The following ADAMTS7 variants were observed in gnomAD, a reference collection of about 807,000 sequenced individuals.
ADAMTS7 encodes ADAM metallopeptidase with thrombospondin type 1 motif 7.
A neutral mutation model predicts 172.6 loss-of-function variants in ADAMTS7; 89 were observed. The observed-to-expected ratio is 0.52, with a 90% CI of 0.43 to 0.61. The LOEUF (loss-of-function observed/expected upper bound fraction) is 0.61, where lower values mean the gene tolerates loss of function less well. Among genes scored for constraint, ADAMTS7 ranks in the 20% least tolerant of loss-of-function variants. The pLI, the probability that ADAMTS7 is intolerant of heterozygous loss-of-function variation, is 0.00. For synonymous variants in ADAMTS7, 885 were observed against 978.4 expected (o/e 0.90, Z 1.78); for missense variants, 1,973 against 2,355.6 (o/e 0.84, Z 3.36).
intron 22 of ADAMTS7, 68 bp from the exon 23 acceptor site, chr15:78,762,633 C>T: frequency 8.4e-7 from 1 of 1,193,822 alleles, no homozygotes; most frequent in Non-Finnish European, 1.1e-6. Flanking sequence ...GGGACACCTC[C>T]TCTGGGAAGC....
At position 78,796,668 on chromosome 15, in the gene ADAMTS7, C is replaced by G. The variant is rs772688829; in HGVS notation, c.741G>C (p.Leu247=). 6.2e-7 allele frequency: 1 copy of G among 1,614,130 alleles called. No individual in the cohort carries two copies. Among genetic ancestry groups the G allele is most frequent in the Admixed American group, 1.7e-5 (1 of 60,028 alleles). ...CCACCATTTTGGCATCAGCTACTAC[C>G]AGGGTCTCCACCCACTTCTCTTTGC... is the stretch of plus-strand genomic sequence containing the variant. The part of the protein sequence containing the change: ...SVSKEKWVET[L]VVADAKMVEY... The change falls in exon 4 of 24, where the codon CTG becomes CTC. Residue 247 remains leucine (L), a synonymous_variant. Coordinates refer to ENST00000388820, the MANE Select transcript of ADAMTS7 (RefSeq NM_014272.5).
In ADAMTS7 at chr15:78,766,499, C is replaced by A; in HGVS notation, c.3412G>T (p.Gly1138Cys). The A allele has an allele frequency of 1.3e-6, 2 of 1,572,024 alleles. No homozygotes were observed. The highest frequency in any genetic ancestry group is 1.7e-6 in the Non-Finnish European group (2 of 1,161,966). ...WSPSPWPSQA[G>C]RSPPPPSEQT... ...TCTGAGGGTGGGGGTGGGGAGCGGC[C>A]GGCCTGGCTAGGCCAAGGGCTCGGG... The change falls in exon 19 of 24, where the codon GGC becomes TGC. Residue 1138 changes from glycine to cysteine, a missense_variant. Physicochemically the swap from Gly to Cys is radical, Grantham distance 159 (BLOSUM62 -3). This residue lies in a region of ADAMTS7 where 771 missense variants were observed against 952.6 expected (regional missense o/e 0.81). Transcript: ENST00000388820.
At chr15:78,780,255 C>T (rs1373546164) in intron 8 of ADAMTS7, among the ~76,000 whole-genome samples, 2 of 151,632 alleles carry the variant, frequency 1.3e-5, no homozygotes, top group African/African-American at 4.8e-5. Context: ...CTAATTATAG[C>T]GGGGCTGGGC....
At chr15:78,772,559 G>A (rs6495327) in intron 14 of ADAMTS7, among the ~76,000 whole-genome samples, 151,424 of 152,194 alleles carry the variant, frequency 0.99, 75,332 homozygotes, top group Non-Finnish European at 1. Flanking sequence ...GATTCAGCTC[G>A]ACTTCCGCCT....
At chr15:78,793,838 G>T (rs1317530571) in intron 4 of ADAMTS7, among the ~76,000 whole-genome samples, 7 of 152,186 alleles carry the variant, frequency 4.6e-5, no homozygotes, top group Non-Finnish European at 7.3e-5. Context: ...GCAGGTTAAG[G>T]GGCACAGGGG....
chr15:78,765,570 T>G (rs568727780), intron 19 of ADAMTS7, 75 bp downstream of exon 19: 11 of 1,593,500 alleles, frequency 6.9e-6, no homozygotes, highest in Middle Eastern at 2.3e-4. Flanking sequence ...TGTCCCACTC[T>G]GCTCATTTTC....
In ADAMTS7 at chr15:78,764,712, G is replaced by A. The variant is rs375173960; in HGVS notation, c.4267-5C>T. On this transcript the variant is annotated splice_polypyrimidine_tract_variant and splice_region_variant and intron_variant, in intron 19 of 23. Transcript: ENST00000388820. ...CAGGCCACAGGTGGTAGAGCACTGC[G>A]GGGCAGAGACCCGTGAAAGCCAGGC... 30 of 1,504,206 alleles carry A rather than the reference G, an allele frequency of 2.0e-5. No homozygotes were observed. In the African/African-American group the frequency reaches 2.4e-4, roughly 12 times the overall value. 93.2% of individuals were successfully genotyped at this position (1,504,206 alleles called of 1,614,324 possible).
chr15:78,788,522 C>T (rs1411520172), intron 7 of ADAMTS7, 148 bp from the exon 8 acceptor site: 8 of 917,464 alleles, frequency 8.7e-6, no homozygotes, highest in South Asian at 8.3e-5. Context: ...CAGAAAGTCA[C>T]ATTCCCCTCT....
intron 12 of ADAMTS7, 64 bp downstream of exon 12, chr15:78,774,560 A>G: frequency 1.2e-6 from 2 of 1,607,232 alleles, no homozygotes; most frequent in Non-Finnish European, 1.7e-6. Context: ...ATCACAGGGT[A>G]ACCTTGGACC....
chr15:78,793,156 T>C (rs76017787), intron 4 of ADAMTS7, among the ~76,000 whole-genome samples: 4,449 of 152,230 alleles, frequency 0.029, 92 homozygotes, highest in Non-Finnish European at 0.047. Context: ...GGCACAATTA[T>C]CCTCGTTTTA....
At position 78,766,353 on chromosome 15, in the gene ADAMTS7, T is replaced by C. The variant is rs113583081; in HGVS notation, c.3558A>G (p.Thr1186=). ...CATTTTGGCTCTCAGGGGTGGCAGG[T>C]GTCTGCAGGCCATCAGTGGAAACCC... The part of the protein sequence containing the change: ...WPRVSTDGLQ[T]PATPESQNDF... The change falls in exon 19 of 24, where the codon ACA becomes ACG. Residue 1186 remains threonine (T), a synonymous_variant. Transcript: ENST00000388820. 5.5e-4 allele frequency: 881 copies of C among 1,610,478 alleles called. 4 individuals carry two copies. Among genetic ancestry groups the C allele is most frequent in the African/African-American group, 4.3e-3 (325 of 74,882 alleles).
At chr15:78,778,709 A>G (rs184153815) in intron 8 of ADAMTS7, among the ~76,000 whole-genome samples, 1 of 151,618 alleles carries the variant, frequency 6.6e-6, no homozygotes, top group African/African-American at 2.4e-5. Context: ...GGGGAGGCAC[A>G]AACCCTCCAG....
chr15:78,811,307 A>G lies in ADAMTS7; in HGVS notation c.-87T>C, dbSNP rs1484635952. On this transcript the variant is annotated 5_prime_UTR_variant, in exon 1 of 24. The change abolishes the stop of an existing upstream ORF in the 5' untranslated region. Coordinates refer to ENST00000388820, the MANE Select transcript of ADAMTS7 (RefSeq NM_014272.5). ...CGCTGCCTGGTCCCAGGTCCGGCTC[A>G]GGACATGCCCGGCCGGCGTGCAGCT... 1.7e-6 allele frequency: 2 copies of G among 1,211,998 alleles called. No individual in the cohort carries two copies. Among genetic ancestry groups the G allele is most frequent in the African/African-American group, 3.1e-5 (2 of 63,654 alleles). 75.1% of individuals were successfully genotyped at this position (1,211,998 alleles called of 1,614,324 possible).
intron 8 of ADAMTS7, among the ~76,000 whole-genome samples, chr15:78,778,515 T>A (rs2055385493): frequency 6.6e-6 from 1 of 152,176 alleles, no homozygotes; most frequent in African/African-American, 2.4e-5. Context: ...TGCCCATGGC[T>A]CATTGCTGTC....
At chr15:78,787,582 T>C (rs1404995953) in intron 8 of ADAMTS7, among the ~76,000 whole-genome samples, 1 of 152,184 alleles carries the variant, frequency 6.6e-6, no homozygotes, top group East Asian at 1.9e-4. Flanking sequence ...GAGAATCGCT[T>C]GAACCCGGGA....
At position 78,766,389 on chromosome 15, in the gene ADAMTS7, C is replaced by G. The variant is rs1015642796; in HGVS notation, c.3522G>C (p.Leu1174=). The G allele has an allele frequency of 2.5e-6, 4 of 1,606,846 alleles. No homozygotes were observed. In the Admixed American group the frequency reaches 5.0e-5, roughly 20 times the overall value. The change falls in exon 19 of 24, where the codon CTG becomes CTC. Residue 1174 remains leucine, a synonymous_variant. Coordinates refer to ENST00000388820, the MANE Select transcript of ADAMTS7 (RefSeq NM_014272.5). The part of the protein sequence containing the change: ...IGAPDLGLPS[L]SWPRVSTDGL... ...CATCAGTGGAAACCCTGGGCCAGGA[C>G]AGGCTGGGGAGCCCAAGATCTGGGG... is the stretch of plus-strand genomic sequence containing the variant.
At position 78,796,802 on chromosome 15, in the gene ADAMTS7, G is replaced by T. The variant is rs1245990055; in HGVS notation, c.623-16C>A. 6.3e-7 allele frequency: 1 copy of T among 1,598,396 alleles called. No homozygotes were observed. Among genetic ancestry groups the T allele is most frequent in the East Asian group, 2.2e-5 (1 of 44,476 alleles). ...TCTGGGTACACTGGAGGCCCAGATGGGGTGGAGTTAGCTGCCAGTGGACAG... is the reference window on the plus strand; with the variant it reads ...TCTGGGTACACTGGAGGCCCAGATGTGGTGGAGTTAGCTGCCAGTGGACAG... On this transcript the variant is annotated splice_polypyrimidine_tract_variant and intron_variant, in intron 3 of 23. Coordinates refer to ENST00000388820, the MANE Select transcript of ADAMTS7 (RefSeq NM_014272.5).
intron 1 of ADAMTS7, among the ~76,000 whole-genome samples, chr15:78,805,256 G>T (rs1455738679): frequency 6.6e-6 from 1 of 152,222 alleles, no homozygotes; most frequent in East Asian, 1.9e-4. Flanking sequence ...GTGCAGATTT[G>T]CTTGTGTTGA....
intron 23 of ADAMTS7, among the ~76,000 whole-genome samples, chr15:78,760,443 C>A (rs1428489221): frequency 3.3e-5 from 5 of 152,086 alleles, no homozygotes; most frequent in Admixed American, 6.6e-5. Context: ...TGGGACATCC[C>A]CCAGGCCCGG....
Sources: gnomAD v4.1 joint callset for allele counts (sites outside exome capture counted in the v4.1 genomes callset) on GRCh38, gnomAD v4.1.1 for gene constraint, gnomAD v4.1.1 regional missense constraint, MANE v1.5 for transcripts, NCBI Gene and HGNC (gene_info 2026-07-23, HGNC 2026-07-21) for gene names.